The following CDC42SE2 variants were observed in gnomAD, a reference collection of about 807,000 sequenced individuals.
CDC42SE2 encodes CDC42 small effector protein 2.
Under a neutral mutation model 11.5 loss-of-function variants are expected in CDC42SE2, and 3 were observed. That is an observed-to-expected ratio of 0.26 (90% confidence interval 0.12 to 0.67). The LOEUF (loss-of-function observed/expected upper bound fraction) is 0.67. Among genes scored for constraint, CDC42SE2 ranks in the 30% least tolerant of loss-of-function variants. The probability of loss-of-function intolerance (pLI) is 0.80; values close to 1 mark genes in which losing one functional copy is unlikely to be tolerated. For synonymous variants in CDC42SE2, 33 were observed against 34.8 expected, an observed-to-expected ratio of 0.95 and a Z score of 0.18; for missense variants, 82 against 106.8, an observed-to-expected ratio of 0.77 and a Z score of 1.02.
intron 3 of CDC42SE2, among the ~76,000 whole-genome samples, chr5:131,369,164 A>G (rs1749945289): frequency 6.6e-6 from 1 of 152,180 alleles, no homozygotes; most frequent in Non-Finnish European, 1.5e-5. Flanking sequence ...GCCTGTTTTA[A>G]CTTTAAATGG....
intron 1 of CDC42SE2, among the ~76,000 whole-genome samples, chr5:131,265,112 AC>A (rs1485221898): frequency 6.6e-6 from 1 of 152,202 alleles, no homozygotes; most frequent in African/African-American, 2.4e-5. Flanking sequence ...ATGTCGGCAA[AC>A]AGTATGTATT....
upstream of CDC42SE2, among the ~76,000 whole-genome samples, chr5:131,240,903 G>C (rs1756535074): frequency 6.6e-6 from 1 of 152,098 alleles, no homozygotes; most frequent in Non-Finnish European, 1.5e-5. Flanking sequence ...TCTGGTGTAT[G>C]GTGGATAACT....
chr5:131,386,915 AACGACGTTTGTC>A (rs1396098981), intron 4 of CDC42SE2, among the ~76,000 whole-genome samples: 1 of 152,250 alleles, frequency 6.6e-6, no homozygotes, highest in Non-Finnish European at 1.5e-5. Context: ...TGGATACAGC[AACGACGTTTGTC>A]ACTGCAGTTA....
chr5:131,230,779 G>T, the CDC42SE2 span, among the ~76,000 whole-genome samples: 2 of 152,206 alleles, frequency 1.3e-5, no homozygotes, highest in Non-Finnish European at 2.9e-5. Flanking sequence ...TCTATTCGTA[G>T]TCTTCCAAGG....
At chr5:131,256,946 T>G (rs916312621) in intron 2 of CDC42SE2, among the ~76,000 whole-genome samples, 6 of 152,226 alleles carry the variant, frequency 3.9e-5, no homozygotes, top group Admixed American at 3.3e-4. Flanking sequence ...TATCTCATCC[T>G]ATTCATAGGT....
chr5:131,372,689 G>A (rs1303049158), intron 3 of CDC42SE2, among the ~76,000 whole-genome samples: 1 of 151,778 alleles, frequency 6.6e-6, no homozygotes, highest in Non-Finnish European at 1.5e-5. Flanking sequence ...CTCCTGCCTG[G>A]GTGACAGAGT....
chr5:131,331,013 G>T (rs759738758), intron 2 of CDC42SE2, among the ~76,000 whole-genome samples: 16 of 152,012 alleles, frequency 1.1e-4, no homozygotes, highest in Non-Finnish European at 1.8e-4. Context: ...GTAACAGAGC[G>T]AGACCCTCTC....
chr5:131,325,728 A>C (rs1414260915), intron 2 of CDC42SE2, among the ~76,000 whole-genome samples: 1 of 152,232 alleles, frequency 6.6e-6, no homozygotes, highest in Non-Finnish European at 1.5e-5. Flanking sequence ...AATTAACCTT[A>C]GAGAATGGTG....
intron 3 of CDC42SE2, among the ~76,000 whole-genome samples, chr5:131,372,906 T>C (rs542843301): frequency 6.6e-6 from 1 of 152,318 alleles, no homozygotes; most frequent in South Asian, 2.1e-4. Flanking sequence ...GCAGAGTGCA[T>C]GGCATAAGTG....
intron 2 of CDC42SE2, among the ~76,000 whole-genome samples, chr5:131,328,788 C>A (rs1432133597): frequency 6.6e-6 from 1 of 152,188 alleles, no homozygotes; most frequent in Middle Eastern, 3.4e-3. Flanking sequence ...GAATTTATGT[C>A]CAGGTGAGTT....
intron 2 of CDC42SE2, among the ~76,000 whole-genome samples, chr5:131,318,053 GTC>G (rs965730825): frequency 6.6e-6 from 1 of 152,058 alleles, no homozygotes; most frequent in Non-Finnish European, 1.5e-5. Flanking sequence ...CGATCCTCCT[GTC>G]TCAGCCTCCC....
the CDC42SE2 span, among the ~76,000 whole-genome samples, chr5:131,215,438 A>G: frequency 7.9e-5 from 12 of 152,200 alleles, no homozygotes; most frequent in Non-Finnish European, 1.0e-4. Context: ...GGCTGACAGA[A>G]CCATCTGGAA....
chr5:131,251,571 A>G lies in CDC42SE2; in HGVS notation n.108-3524A>G, dbSNP rs541043463. ...TTATATTGTGAGAGAAAGCAAAACT[A>G]AAAAAAGAAAAAAAATTGTCTGGAA... is the stretch of plus-strand genomic sequence containing the variant. On this transcript the variant is annotated intron_variant and non_coding_transcript_variant, in intron 1 of 3. Transcript: ENST00000502840. Among the ~76,000 whole-genome samples, 4 of 152,292 alleles carry G rather than the reference A, an allele frequency of 2.6e-5. No homozygotes were observed. The East Asian group carries it at 7.7e-4, about 29-fold the overall frequency.
At chr5:131,218,627 C>CA in the CDC42SE2 span, among the ~76,000 whole-genome samples, 40,194 of 151,994 alleles carry the variant, frequency 0.26, 7,381 homozygotes, top group African/African-American at 0.53. Context: ...ATGACTAATA[C>CA]GTAGAAAGAG....
intron 1 of CDC42SE2, among the ~76,000 whole-genome samples, chr5:131,299,917 T>C (rs1757647096): frequency 6.6e-6 from 1 of 152,218 alleles, no homozygotes; most frequent in Admixed American, 6.5e-5. Flanking sequence ...TGTTCTGATA[T>C]AGGTATTTAG....
At chr5:131,370,673 T>C (rs1749991929) in intron 3 of CDC42SE2, among the ~76,000 whole-genome samples, 1 of 152,228 alleles carries the variant, frequency 6.6e-6, no homozygotes, top group African/African-American at 2.4e-5. Flanking sequence ...TGTGAAATTA[T>C]GTTTATTTAG....
At chr5:131,216,508 A>AC in the CDC42SE2 span, among the ~76,000 whole-genome samples, 3 of 146,772 alleles carry the variant, frequency 2.0e-5, no homozygotes, top group African/African-American at 7.7e-5. Flanking sequence ...TCTCAAAAAA[A>AC]AAAAAAAAAA....
the CDC42SE2 span, among the ~76,000 whole-genome samples, chr5:131,222,935 CA>C: frequency 1.3e-5 from 2 of 152,222 alleles, no homozygotes; most frequent in African/African-American, 4.8e-5. Context: ...GTCCTAGATT[CA>C]AGTCTCCAGC....
intron 2 of CDC42SE2, among the ~76,000 whole-genome samples, chr5:131,323,963 T>C (rs960382964): frequency 6.6e-6 from 1 of 152,212 alleles, no homozygotes; most frequent in Non-Finnish European, 1.5e-5. Context: ...TAAATTGTCT[T>C]TAAATTTTTT....
Sources: allele counts gnomAD v4.1 joint callset (sites outside exome capture counted in the v4.1 genomes callset), GRCh38; gene constraint gnomAD v4.1.1; transcripts MANE v1.5; gene names NCBI Gene and HGNC (gene_info 2026-07-23, HGNC 2026-07-21).